The following ZFHX4 variants were observed in gnomAD, a reference collection of about 807,000 sequenced individuals.
The protein encoded by ZFHX4 is zinc finger homeobox 4.
A neutral mutation model predicts 267.6 loss-of-function variants in ZFHX4; 56 were observed. That is an observed-to-expected ratio of 0.21 (90% CI 0.17 to 0.26). The LOEUF (loss-of-function observed/expected upper bound fraction) is 0.26. Among genes scored for constraint, ZFHX4 ranks in the 10% least tolerant of loss-of-function variants. ZFHX4 has a pLI of 1.00. For synonymous variants in ZFHX4, 1,778 were observed against 1,665.6 expected, an observed-to-expected ratio of 1.07 and a Z score of -1.64; for missense variants, 4,332 against 4,420.0, an observed-to-expected ratio of 0.98 and a Z score of 0.56.
chr8:76,712,215 C>T lies in ZFHX4; in HGVS notation c.3093+4167C>T, dbSNP rs970453829. Reference sequence around the variant, plus strand: ...GGTAACTTTTAGTGTAACATTCCCCCGTGGAGCATTTTTTGGGTTTTTCTC... The same window carrying T: ...GGTAACTTTTAGTGTAACATTCCCCTGTGGAGCATTTTTTGGGTTTTTCTC... On this transcript the variant is annotated intron_variant, in intron 3 of 10. Transcript: ENST00000651372. 3.9e-5 allele frequency among the ~76,000 whole-genome samples: 6 copies of T among 152,094 alleles called. No homozygotes were observed. In the South Asian group the frequency reaches 6.2e-4, roughly 16 times the overall value.
intron 4 of ZFHX4, among the ~76,000 whole-genome samples, chr8:76,825,766 A>G (rs1386242289): frequency 6.6e-6 from 1 of 152,230 alleles, no homozygotes; most frequent in Non-Finnish European, 1.5e-5. Flanking sequence ...TTAGAGAGTC[A>G]AGAAAGCATT....
intron 10 of ZFHX4, among the ~76,000 whole-genome samples, chr8:76,861,637 C>T (rs1436496999): frequency 6.6e-6 from 1 of 151,564 alleles, no homozygotes; most frequent in Admixed American, 6.6e-5. Flanking sequence ...TTCACAGTAT[C>T]TTGAATGCTA....
chr8:76,821,313 G>A (rs1457393019), intron 4 of ZFHX4, among the ~76,000 whole-genome samples: 1 of 152,058 alleles, frequency 6.6e-6, no homozygotes, highest in Non-Finnish European at 1.5e-5. Flanking sequence ...ACACTTCTGA[G>A]AATTTTCCAC....
At chr8:76,821,536 T>A (rs1019078352) in intron 4 of ZFHX4, among the ~76,000 whole-genome samples, 1 of 152,010 alleles carries the variant, frequency 6.6e-6, no homozygotes, top group Non-Finnish European at 1.5e-5. Flanking sequence ...GATTTTTTTT[T>A]TTTTTCACTA....
intron 3 of ZFHX4, among the ~76,000 whole-genome samples, chr8:76,739,651 G>A (rs1809263768): frequency 6.6e-6 from 1 of 152,110 alleles, no homozygotes; most frequent in African/African-American, 2.4e-5. Context: ...GGTAAGCAGG[G>A]AGGGATAATA....
chr8:76,863,411 G>A lies in ZFHX4; in HGVS notation c.9697G>A (p.Val3233Ile). The A allele has an allele frequency of 6.2e-7, 1 of 1,613,988 alleles. No individual in the cohort carries two copies. The highest frequency in any genetic ancestry group is 1.3e-5 in the African/African-American group (1 of 75,062). The stretch of plus-strand genomic sequence containing the variant: ...TGCTCTTTCAGTGTTGGGCAAAGTT[G>A]TAGGTGAAACACATGTCGATCCTAT... ...SSALSVLGKV[V>I]GETHVDPIQL... The change falls in exon 11 of 11, where the codon GTA becomes ATA. Residue 3233 changes from valine to isoleucine, a missense_variant. Transcript: ENST00000651372.
chr8:76,856,193 G>T lies in ZFHX4; in HGVS notation c.9272G>T (p.Gly3091Val). 6.2e-7 allele frequency: 1 copy of T among 1,613,944 alleles called. No homozygotes were observed. Among genetic ancestry groups the T allele is most frequent in the East Asian group, 2.2e-5 (1 of 44,860 alleles). Reference protein sequence around the residue: ...PGMMDSSSLHGISLPTAYPGL... With the variant: ...PGMMDSSSLHVISLPTAYPGL... Reference sequence around the variant, plus strand: ...ATGATGGACAGCAGTTCTCTCCACGGCATCAGCCTGCCAACAGCCTACCCC... The same window carrying T: ...ATGATGGACAGCAGTTCTCTCCACGTCATCAGCCTGCCAACAGCCTACCCC... Residue 3091 changes from glycine to valine, a missense_variant, in exon 10 of 11, where the codon GGC (glycine) becomes GTC (valine). By Grantham distance (109) the Gly-to-Val change is moderately radical (BLOSUM62 -3). Coordinates refer to ENST00000651372, the MANE Select transcript of ZFHX4 (RefSeq NM_024721.5).
rs764416836 is a variant in ZFHX4 at position 76,855,425 on chromosome 8, C to A, written c.8504C>A (p.Pro2835Gln). ...STTGSSGDVKPALSPKEPKTL... is the reference protein window; with the variant it reads ...STTGSSGDVKQALSPKEPKTL... ...ACAGGAAGTTCCGGAGATGTGAAAC[C>A]GGCTTTGTCTCCCAAAGAGCCAAAA... The change falls in exon 10 of 11, where the codon CCG becomes CAG. Residue 2835 changes from proline to glutamine, a missense_variant. Physicochemically the swap from Pro to Gln is moderately conservative, Grantham distance 76. Coordinates refer to ENST00000651372, the MANE Select transcript of ZFHX4 (RefSeq NM_024721.5). 6.8e-6 allele frequency: 11 copies of A among 1,613,450 alleles called. No individual in the cohort carries two copies. Among genetic ancestry groups the A allele is most frequent in the South Asian group, 1.1e-5 (1 of 91,058 alleles).
intron 3 of ZFHX4, among the ~76,000 whole-genome samples, chr8:76,752,955 G>A (rs1809660412): frequency 6.6e-6 from 1 of 152,030 alleles, no homozygotes; most frequent in African/African-American, 2.4e-5. Flanking sequence ...AAGGTTCTGG[G>A]TTTATTTTTG....
At chr8:76,812,006 C>A (rs954311642) in intron 4 of ZFHX4, among the ~76,000 whole-genome samples, 2 of 152,192 alleles carry the variant, frequency 1.3e-5, no homozygotes, top group South Asian at 4.1e-4. Flanking sequence ...AGGTCAAGAA[C>A]GCACCTATCT....
intron 3 of ZFHX4, among the ~76,000 whole-genome samples, chr8:76,772,591 G>A (rs184941381): frequency 3.8e-4 from 58 of 152,202 alleles, no homozygotes; most frequent in African/African-American, 1.4e-3. Context: ...GAAGGCAAGG[G>A]CCATACTACC....
Position 76,863,614 on chromosome 8 carries a change from C to A in ZFHX4, c.9900C>A (p.Gly3300=). 1 of 1,613,414 alleles carries A rather than the reference C, an allele frequency of 6.2e-7. No homozygotes were observed. The highest frequency in any genetic ancestry group is 8.5e-7 in the Non-Finnish European group (1 of 1,179,710). ...GCATGGAGAGCCTCTTTCCTTATGG[C>A]CCTACAATGCCCCAGACACTGGCAG... The part of the protein sequence containing the change: ...VCGMESLFPY[G]PTMPQTLAGL... The change falls in exon 11 of 11, where the codon GGC becomes GGA. Residue 3300 remains glycine (G), a synonymous_variant. Coordinates refer to ENST00000651372, the MANE Select transcript of ZFHX4 (RefSeq NM_024721.5).
At chr8:76,809,428 G>A (rs28623063) in intron 4 of ZFHX4, among the ~76,000 whole-genome samples, 8,049 of 152,066 alleles carry the variant, frequency 0.053, 422 homozygotes, top group African/African-American at 0.13. Flanking sequence ...TTTCCAGTTT[G>A]ACAAAGAAAG....
At chr8:76,731,512 G>A (rs1260455276) in intron 3 of ZFHX4, among the ~76,000 whole-genome samples, 2 of 152,188 alleles carry the variant, frequency 1.3e-5, no homozygotes, top group Non-Finnish European at 2.9e-5. Flanking sequence ...GTGATGCGAT[G>A]CAGCTATTAG....
chr8:76,802,501 T>C (rs962382708), intron 4 of ZFHX4, among the ~76,000 whole-genome samples: 5 of 152,188 alleles, frequency 3.3e-5, no homozygotes, highest in Admixed American at 2.0e-4. Context: ...TGGTTTTTAA[T>C]TGCCATACAA....
chr8:76,846,973 G>A (rs1363461196), intron 6 of ZFHX4, among the ~76,000 whole-genome samples: 1 of 152,200 alleles, frequency 6.6e-6, no homozygotes. Flanking sequence ...GCAAAAGAAC[G>A]ATAAGGGGAT....
At chr8:76,694,227 G>A (rs895431881) in intron 1 of ZFHX4, among the ~76,000 whole-genome samples, 4 of 152,136 alleles carry the variant, frequency 2.6e-5, no homozygotes, top group African/African-American at 9.7e-5. Flanking sequence ...AAATGTTAAG[G>A]CTCTCCTTTT....
At chr8:76,798,433 A>G (rs1390017632) in intron 4 of ZFHX4, among the ~76,000 whole-genome samples, 1 of 152,204 alleles carries the variant, frequency 6.6e-6, no homozygotes, top group Non-Finnish European at 1.5e-5. Flanking sequence ...GAAACTGATC[A>G]TTACAATCTG....
At chr8:76,822,432 A>C (rs1393889666) in intron 4 of ZFHX4, among the ~76,000 whole-genome samples, 1 of 140,090 alleles carries the variant, frequency 7.1e-6, no homozygotes. Context: ...ACCAATCACT[A>C]TCTGATCCTG....
Sources: allele counts gnomAD v4.1 joint callset (sites outside exome capture counted in the v4.1 genomes callset), GRCh38; gene constraint gnomAD v4.1.1; transcripts MANE v1.5; gene names NCBI Gene and HGNC (gene_info 2026-07-23, HGNC 2026-07-21).